Variants in PRDM10 observed in about 807,000 individuals in gnomAD.
PRDM10 encodes the protein PR domain zinc finger protein 10.
Under a neutral mutation model 133.1 loss-of-function variants are expected in PRDM10, and 65 were observed. The ratio of observed to expected loss-of-function variants is 0.49; its 90% CI spans 0.40 to 0.60. The LOEUF is 0.60. Among genes scored for constraint, PRDM10 ranks in the 20% least tolerant of loss-of-function variants. The pLI is 0.00. For missense variants in PRDM10, 1,137 were observed against 1,507.1 expected (o/e 0.75, Z 4.07); for synonymous variants, 582 against 580.4 (o/e 1.00, Z -0.04).
At chr11:129,985,111 C>T (rs1000997559) in intron 1 of PRDM10, among the ~76,000 whole-genome samples, 3 of 152,188 alleles carry the variant, frequency 2.0e-5, no homozygotes, top group African/African-American at 4.8e-5. Context: ...CAACCATGAC[C>T]GGCCCAGGAG....
chr11:129,905,813 C>A, intron 19 of PRDM10, 72 bp from the exon 20 acceptor site: 1 of 1,274,216 alleles, frequency 7.8e-7, no homozygotes, highest in South Asian at 1.2e-5. Context: ...AAAAACATAA[C>A]CAGTAGCCAC....
chr11:129,914,160 C>A (rs1950278343), intron 17 of PRDM10, among the ~76,000 whole-genome samples: 1 of 152,152 alleles, frequency 6.6e-6, no homozygotes, highest in Admixed American at 6.6e-5. Context: ...CGCCACCATG[C>A]CCAGCTAATT....
At chr11:129,961,390 C>T (rs7945776) in intron 1 of PRDM10, among the ~76,000 whole-genome samples, 11,713 of 151,986 alleles carry the variant, frequency 0.077, 882 homozygotes, top group African/African-American at 0.19. Flanking sequence ...CTGCAACCTC[C>T]GCCTCCTAGG....
At chr11:129,924,627 A>G (rs1950620923) in intron 12 of PRDM10, among the ~76,000 whole-genome samples, 1 of 152,248 alleles carries the variant, frequency 6.6e-6, no homozygotes, top group African/African-American at 2.4e-5. Context: ...AGACTTTTTA[A>G]AAATTATAAT....
In PRDM10 at chr11:129,914,953, G is replaced by A; in HGVS notation, c.2592C>T (p.His864=). The A allele has an allele frequency of 1.2e-6, 2 of 1,614,112 alleles. No homozygotes were observed. Among genetic ancestry groups the A allele is most frequent in the Non-Finnish European group, 1.7e-6 (2 of 1,179,950 alleles). The change falls in exon 17 of 21, where the codon CAC becomes CAT. Residue 864 remains histidine, a synonymous_variant. Transcript: ENST00000360871. The part of the protein sequence containing the change: ...PEFAQLSNTI[H]TPLTTAVISA... ...TGATCACAGCTGTCGTCAGTGGTGT[G>A]TGTATGGTGTTGGAGAGCTGGGCGA...
intron 4 of PRDM10, among the ~76,000 whole-genome samples, chr11:129,954,878 G>T (rs1166794996): frequency 1.3e-5 from 2 of 151,822 alleles, no homozygotes; most frequent in East Asian, 3.9e-4. Context: ...TCACTATATT[G>T]CCCAGTCTGG....
At chr11:129,944,330 C>T (rs1354114377) in intron 6 of PRDM10, among the ~76,000 whole-genome samples, 8 of 152,114 alleles carry the variant, frequency 5.3e-5, no homozygotes, top group Non-Finnish European at 1.2e-4. Flanking sequence ...CGCGGTGGCT[C>T]ACGCCTGTAA....
At chr11:129,917,543 A>G (rs1157704047) in intron 14 of PRDM10, among the ~76,000 whole-genome samples, 1 of 152,260 alleles carries the variant, frequency 6.6e-6, no homozygotes, top group African/African-American at 2.4e-5. Flanking sequence ...TTACACTGGT[A>G]TGAATTTCTT....
intron 19 of PRDM10, among the ~76,000 whole-genome samples, chr11:129,906,641 T>A (rs1428527010): frequency 6.6e-6 from 1 of 152,160 alleles, no homozygotes. Flanking sequence ...GAAGGTAAAA[T>A]TTTTTTCTTT....
In PRDM10 at chr11:129,914,941, C is replaced by T. The variant is rs144412505; in HGVS notation, c.2604G>A (p.Thr868=). The T allele has an allele frequency of 2.9e-5, 47 of 1,613,960 alleles. No homozygotes were observed. In the Admixed American group the frequency reaches 6.3e-4, roughly 22 times the overall value. ...CTGGGGTGGCACTGATCACAGCTGT[C>T]GTCAGTGGTGTGTGTATGGTGTTGG... The part of the protein sequence containing the change: ...QLSNTIHTPL[T]TAVISATPAV... Residue 868 remains threonine, a synonymous_variant, in exon 17 of 21, where the codon ACG becomes ACA. Coordinates refer to ENST00000360871, the MANE Select transcript of PRDM10 (RefSeq NM_199437.2).
intron 1 of PRDM10, among the ~76,000 whole-genome samples, chr11:129,977,057 A>G (rs1274075045): frequency 1.3e-5 from 2 of 152,018 alleles, no homozygotes; most frequent in Admixed American, 1.3e-4. Context: ...ACCACGTGAC[A>G]CAGCCAAGGT....
At chr11:129,990,876 A>C (rs1938706287) in intron 1 of PRDM10, among the ~76,000 whole-genome samples, 1 of 152,222 alleles carries the variant, frequency 6.6e-6, no homozygotes, top group South Asian at 2.1e-4. Flanking sequence ...CAGTGAGCTC[A>C]GATAGACAAC....
intron 1 of PRDM10, among the ~76,000 whole-genome samples, chr11:129,994,302 A>T (rs1475562609): frequency 6.6e-6 from 1 of 151,930 alleles, no homozygotes; most frequent in African/African-American, 2.4e-5. Flanking sequence ...TCTACTAAAA[A>T]AAAAGTACAA....
chr11:130,000,200 T>C (rs1939274616), intron 1 of PRDM10, among the ~76,000 whole-genome samples: 1 of 152,024 alleles, frequency 6.6e-6, no homozygotes, highest in Admixed American at 6.5e-5. Context: ...CCTGCCATCA[T>C]GTCCGTCCAA....
At position 129,973,023 on chromosome 11, in the gene PRDM10, T is replaced by C. The variant is rs1460135089; in HGVS notation, c.-118-11941A>G. Among the ~76,000 whole-genome samples, 3 of 152,236 alleles carry C rather than the reference T, an allele frequency of 2.0e-5. No individual in the cohort carries two copies. The East Asian group carries it at 5.8e-4, about 29-fold the overall frequency. On this transcript the variant is annotated intron_variant, in intron 1 of 20. Transcript: ENST00000360871. The stretch of plus-strand genomic sequence containing the variant: ...CACTTTTTTAGCGCCTTTTTCTTCC[T>C]TTATTTGTATTTTCTCTTTCTTTCT...
In PRDM10 at chr11:129,930,641, T is replaced by G. The variant is rs143270856; in HGVS notation, c.1530+375A>C. ...GCACATTTAGTTACCCAAAATCAAC[T>G]TGAGAGCTATGATTAGGCACAAATT... is the stretch of plus-strand genomic sequence containing the variant. On this transcript the variant is annotated intron_variant, in intron 11 of 20. Coordinates refer to ENST00000360871, the MANE Select transcript of PRDM10 (RefSeq NM_199437.2). 3.9e-3 allele frequency among the ~76,000 whole-genome samples: 593 copies of G among 152,302 alleles called. 4 individuals are homozygous for G. Among genetic ancestry groups the G allele is most frequent in the African/African-American group, 0.014 (566 of 41,560 alleles).
rs759904119 is a variant in PRDM10 at position 129,947,171 on chromosome 11, G to A, written c.494C>T (p.Pro165Leu). The change falls in exon 5 of 21, where the codon CCC becomes CTC. Residue 165 changes from proline (P) to leucine (L), a missense_variant. Physicochemically the swap from Pro to Leu is moderately conservative, Grantham distance 98. Transcript: ENST00000360871. This position sits in a 1 kb window ranked among gnomAD's most constrained non-coding sequence, Gnocchi z 4.6. ...TDLDDWEPDP[P>L]RPFDPHDLWC... ...CAAGTCGTGTGGGTCGAAGGGCCGG[G>A]GCGGGTCTGGCTCCCAGTCATCCAG... is the stretch of plus-strand genomic sequence containing the variant. The A allele has an allele frequency of 3.1e-6, 5 of 1,614,026 alleles. No individual in the cohort carries two copies. The highest frequency in any genetic ancestry group is 4.2e-6 in the Non-Finnish European group (5 of 1,179,986).
chr11:129,998,341 C>T lies in PRDM10; in HGVS notation c.-119+4381G>A, dbSNP rs553300346. Among the ~76,000 whole-genome samples, 18 of 150,690 alleles carry T rather than the reference C, an allele frequency of 1.2e-4. No individual in the cohort carries two copies. The East Asian group carries it at 3.4e-3, about 29-fold the overall frequency. On this transcript the variant is annotated intron_variant, in intron 1 of 20. Coordinates refer to ENST00000360871, the MANE Select transcript of PRDM10 (RefSeq NM_199437.2). ...ACAGCAGGAAAGAAGCTGTGGAGTA[C>T]AACTTTACCATCAGTGAAAGTGAAG...
Position 129,930,957 on chromosome 11 carries a change from CTGG to C in PRDM10, c.1530+56_1530+58del, listed in dbSNP as rs1950833221. ...AATAGGTTAGAAAACCACCAGAGAG[CTGG>C]TGGTGGGAGGAAGATGAGCGGCTGG... On this transcript the variant is annotated intron_variant, in intron 11 of 20. Coordinates refer to ENST00000360871, the MANE Select transcript of PRDM10 (RefSeq NM_199437.2). The C allele has an allele frequency of 1.9e-6, 3 of 1,543,374 alleles. No individual in the cohort carries two copies. The Admixed American group carries it at 5.8e-5, about 30-fold the overall frequency.
Sources: gnomAD v4.1 joint callset for allele counts (sites outside exome capture counted in the v4.1 genomes callset) on GRCh38, gnomAD v4.1.1 for gene constraint, Gnocchi (gnomAD v3.1) non-coding constraint, MANE v1.5 for transcripts, NCBI Gene and HGNC (gene_info 2026-07-23, HGNC 2026-07-21) for gene names.